MAST4: variants seen among roughly 807,000 people sequenced by gnomAD.
MAST4 encodes the protein microtubule-associated serine/threonine-protein kinase 4.
Under a neutral mutation model 162.7 loss-of-function variants are expected in MAST4, and 89 were observed. The observed-to-expected ratio is 0.55, with a 90% confidence interval of 0.46 to 0.65. The LOEUF (loss-of-function observed/expected upper bound fraction) is 0.65, where lower values mean the gene tolerates loss of function less well. MAST4 is among the 30% of genes least tolerant of loss of function. MAST4 has a pLI of 0.00. For missense variants in MAST4, 3,153 were observed against 3,374.0 expected (o/e 0.93, Z 1.62); for synonymous variants, 1,479 against 1,361.1 (o/e 1.09, Z -1.91).
intron 4 of MAST4, among the ~76,000 whole-genome samples, chr5:67,044,953 C>A (rs918899554): frequency 9.2e-5 from 14 of 152,180 alleles, no homozygotes; most frequent in Non-Finnish European, 1.3e-4. Flanking sequence ...CATCCAGCAC[C>A]ACAGACTTCG....
At chr5:66,913,975 A>G (rs1347778299) in intron 4 of MAST4, among the ~76,000 whole-genome samples, 1 of 142,252 alleles carries the variant, frequency 7.0e-6, no homozygotes, top group Non-Finnish European at 1.5e-5. Context: ...CAGACTTTCT[A>G]TTTCATTGAT....
intron 3 of MAST4, among the ~76,000 whole-genome samples, chr5:66,839,840 A>G (rs1758290689): frequency 6.6e-6 from 1 of 152,148 alleles, no homozygotes; most frequent in Admixed American, 6.6e-5. Flanking sequence ...GTAATTGAAG[A>G]TGGGTGTTCA....
Position 67,168,998 on chromosome 5 carries a change from T to TAA in MAST4, c.*1951_*1952dup, listed in dbSNP as rs1774338849. On this transcript the variant is annotated 3_prime_UTR_variant, in exon 29 of 29. Coordinates refer to ENST00000403625, the MANE Select transcript of MAST4 (RefSeq NM_001164664.2). ...TCCCCATCACTATATTGTGAAGCTGTAAAAATATATATATATACTTTACAA... is the reference window on the plus strand; with the variant it reads ...TCCCCATCACTATATTGTGAAGCTGTAAAAAAATATATATATATACTTTACAA... The TAA allele has an allele frequency of 6.6e-6, 1 of 152,128 alleles. No individual in the cohort carries two copies. The highest frequency in any genetic ancestry group is 1.9e-4 in the East Asian group (1 of 5,198). 9.4% of individuals were successfully genotyped at this position (152,128 alleles called of 1,614,324 possible).
At chr5:66,846,146 T>G (rs563140008) in intron 3 of MAST4, among the ~76,000 whole-genome samples, 25 of 152,278 alleles carry the variant, frequency 1.6e-4, no homozygotes, top group African/African-American at 5.8e-4. Flanking sequence ...ATACCTGGAT[T>G]GAAATCCAGA....
intron 5 of MAST4, among the ~76,000 whole-genome samples, chr5:67,078,831 TATATATTTAA>T (rs1467633198): frequency 8.1e-6 from 1 of 123,616 alleles, no homozygotes; most frequent in African/African-American, 3.2e-5. Flanking sequence ...TATTTATATT[TATATATTTAA>T]ATATATTTAT....
chr5:66,876,093 A>T (rs1435685260), intron 3 of MAST4, among the ~76,000 whole-genome samples: 1 of 152,206 alleles, frequency 6.6e-6, no homozygotes, highest in Non-Finnish European at 1.5e-5. Flanking sequence ...TTTTAAAAAA[A>T]TGCTTATCGT....
intron 1 of MAST4, among the ~76,000 whole-genome samples, chr5:66,726,412 G>A (rs1466330250): frequency 6.6e-5 from 10 of 152,142 alleles, no homozygotes; most frequent in Admixed American, 6.5e-4. Context: ...CAGAGGAAGA[G>A]CACAGAGGCA....
intron 23 of MAST4, 142 bp downstream of exon 23, chr5:67,145,521 C>CCA: frequency 1.5e-6 from 1 of 662,438 alleles, no homozygotes; most frequent in Non-Finnish European, 2.6e-6. Context: ...AGTCCTTAGG[C>CCA]TTGGGACACG....
chr5:66,981,805 G>A (rs1748878602), intron 4 of MAST4, among the ~76,000 whole-genome samples: 1 of 152,124 alleles, frequency 6.6e-6, no homozygotes, highest in Non-Finnish European at 1.5e-5. Context: ...TATTGCTTCT[G>A]GAGGAGCATT....
chr5:66,734,969 C>G (rs1013156378), intron 1 of MAST4, among the ~76,000 whole-genome samples: 1 of 152,192 alleles, frequency 6.6e-6, no homozygotes, highest in Admixed American at 6.5e-5. Context: ...TATCTTCTGA[C>G]CTGTATCCAA....
chr5:67,160,206 G>A (rs1451121171), intron 26 of MAST4, among the ~76,000 whole-genome samples: 5 of 152,090 alleles, frequency 3.3e-5, no homozygotes, highest in African/African-American at 1.2e-4. Flanking sequence ...GCCTGGTAAG[G>A]GCACAGTGCT....
At chr5:67,012,229 G>A (rs547605247) in intron 4 of MAST4, among the ~76,000 whole-genome samples, 1 of 152,296 alleles carries the variant, frequency 6.6e-6, no homozygotes, top group Admixed American at 6.5e-5. Flanking sequence ...AAGATTGACA[G>A]GTGTTGGGGT....
At chr5:67,156,742 G>A (rs1772586241) in intron 26 of MAST4, among the ~76,000 whole-genome samples, 2 of 152,236 alleles carry the variant, frequency 1.3e-5, no homozygotes, top group African/African-American at 4.8e-5. Flanking sequence ...CCAAGATTGG[G>A]TAGTGAAGGG....
chr5:66,818,389 C>T (rs1477601061), intron 3 of MAST4, among the ~76,000 whole-genome samples: 1 of 151,432 alleles, frequency 6.6e-6, no homozygotes, highest in Non-Finnish European at 1.5e-5. Flanking sequence ...ATGCTTGACT[C>T]TGTGGTTTTG....
At chr5:67,049,783 T>C (rs1232007651) in intron 4 of MAST4, among the ~76,000 whole-genome samples, 1 of 152,182 alleles carries the variant, frequency 6.6e-6, no homozygotes, top group Non-Finnish European at 1.5e-5. Flanking sequence ...TTTCTTGCCA[T>C]GGTCAGAAAT....
intron 4 of MAST4, among the ~76,000 whole-genome samples, chr5:66,979,912 T>C (rs1231258100): frequency 6.6e-6 from 1 of 152,138 alleles, no homozygotes; most frequent in Non-Finnish European, 1.5e-5. Context: ...GTACAGACAG[T>C]TGTTATGGAT....
intron 1 of MAST4, among the ~76,000 whole-genome samples, chr5:66,627,519 T>C (rs183579732): frequency 7.2e-5 from 11 of 152,326 alleles, no homozygotes; most frequent in Middle Eastern, 3.4e-3. Context: ...AGGGTAGCAG[T>C]CATAGATGAC....
chr5:66,645,178 C>G (rs1281222836), intron 1 of MAST4, among the ~76,000 whole-genome samples: 1 of 152,138 alleles, frequency 6.6e-6, no homozygotes, highest in African/African-American at 2.4e-5. Flanking sequence ...AAACCAAACT[C>G]TTTCATTTTG....
chr5:66,700,350 G>A (rs769275261), intron 1 of MAST4, among the ~76,000 whole-genome samples: 2 of 150,522 alleles, frequency 1.3e-5, no homozygotes, highest in Non-Finnish European at 3.0e-5. Context: ...CTTTTTTTTT[G>A]TATTCAAATT....
Sources: allele counts gnomAD v4.1 joint callset (sites outside exome capture counted in the v4.1 genomes callset), GRCh38; gene constraint gnomAD v4.1.1; transcripts MANE v1.5; gene names NCBI Gene and HGNC (gene_info 2026-07-23, HGNC 2026-07-21).